The following CEP120 variants were observed in gnomAD, a reference collection of about 807,000 sequenced individuals.
CEP120 encodes centrosomal protein of 120 kDa.
CEP120 carries 113 observed loss-of-function variants against 126.5 expected under a neutral mutation model. That is an observed-to-expected ratio of 0.89 (90% CI 0.77 to 1.04). CEP120 has a LOEUF of 1.04. CEP120 is among the 50% of genes least tolerant of loss of function. The pLI is 0.00. For missense variants in CEP120, 1,230 were observed against 1,155.7 expected (o/e 1.06, Z -0.93); for synonymous variants, 400 against 394.3 (o/e 1.01, Z -0.17).
At chr5:123,358,697 C>G (rs1339048832) in intron 18 of CEP120, among the ~76,000 whole-genome samples, 1 of 151,614 alleles carries the variant, frequency 6.6e-6, no homozygotes, top group East Asian at 1.9e-4. Flanking sequence ...ATAATAATCA[C>G]ACACACACAC....
intron 5 of CEP120, among the ~76,000 whole-genome samples, chr5:123,396,451 A>T (rs1443030132): frequency 2.0e-5 from 3 of 151,946 alleles, no homozygotes; most frequent in African/African-American, 7.2e-5. Flanking sequence ...CTAAACTGAA[A>T]CAGTAATTTG....
chr5:123,366,044 T>C (rs563412449), intron 17 of CEP120, among the ~76,000 whole-genome samples: 1 of 151,690 alleles, frequency 6.6e-6, no homozygotes, highest in Non-Finnish European at 1.5e-5. Context: ...AACACATGTA[T>C]AGTTATAGAT....
chr5:123,366,538 A>C (rs1228099875), intron 17 of CEP120, among the ~76,000 whole-genome samples: 1 of 151,758 alleles, frequency 6.6e-6, no homozygotes, highest in Non-Finnish European at 1.5e-5. Flanking sequence ...GAAGTATGGC[A>C]TTGTCTTTGT....
Position 123,383,025 on chromosome 5 carries a change from T to C in CEP120, c.1821A>G (p.Leu607=), listed in dbSNP as rs781713910. The change falls in exon 12 of 20, where the codon CTA becomes CTG. Residue 607 remains leucine, a synonymous_variant. Transcript: ENST00000306467. ...AGATAAAAATCTCACGCATTTTTAC[T>C]AGTCCATAATCTTCTAGAGTCACTG... ...SYTVTLEDYG[L]VKMREIFISD... The C allele has an allele frequency of 2.0e-5, 32 of 1,589,620 alleles. No individual in the cohort carries two copies. Among genetic ancestry groups the C allele is most frequent in the Non-Finnish European group, 2.5e-5 (29 of 1,159,812 alleles).
intron 2 of CEP120, among the ~76,000 whole-genome samples, chr5:123,416,666 C>T (rs1285223145): frequency 1.3e-5 from 2 of 152,084 alleles, no homozygotes; most frequent in Non-Finnish European, 2.9e-5. Flanking sequence ...TTATACAAAA[C>T]ATGTCAACAT....
chr5:123,376,199 C>T (rs1260485591), intron 16 of CEP120, among the ~76,000 whole-genome samples: 1 of 151,888 alleles, frequency 6.6e-6, no homozygotes, highest in Non-Finnish European at 1.5e-5. Context: ...CCTATGAGAC[C>T]ATAAAATAAA....
At chr5:123,388,172 A>T in intron 9 of CEP120, 1 of 220,102 alleles carries the variant, frequency 4.5e-6, no homozygotes, top group Non-Finnish European at 8.8e-6. Flanking sequence ...CAAAATACAT[A>T]CATGTATTAT....
At chr5:123,382,960 A>T (rs747520673) in intron 12 of CEP120, 26 bp downstream of exon 12, 85 of 1,595,948 alleles carry the variant, frequency 5.3e-5, no homozygotes, top group Non-Finnish European at 7.0e-5. Flanking sequence ...TTTAAAAAAA[A>T]TTTGATAACA....
intron 4 of CEP120, among the ~76,000 whole-genome samples, chr5:123,409,647 TCAA>T (rs1313389048): frequency 2.0e-5 from 3 of 152,008 alleles, no homozygotes; most frequent in Non-Finnish European, 2.9e-5. Flanking sequence ...GTGGAAAGAA[TCAA>T]CAACAACAAA....
chr5:123,346,736 T>C lies in CEP120; in HGVS notation c.2744A>G (p.Gln915Arg). 1 of 1,608,558 alleles carries C rather than the reference T, an allele frequency of 6.2e-7. No homozygotes were observed. Residue 915 changes from glutamine to arginine, a missense_variant, in exon 20 of 20, where the codon CAA becomes CGA. Physicochemically the swap from Gln to Arg is conservative, Grantham distance 43. Transcript: ENST00000306467. ...CTCTGTGGAATCCTGGTATTGTTTT[T>C]GCTCTTGTTGCCTTAACCTGAGAAG... is the stretch of plus-strand genomic sequence containing the variant. Reference protein sequence around the residue: ...NELNRLRQQEQKQYQDSTEIA... With the variant: ...NELNRLRQQERKQYQDSTEIA...
At chr5:123,402,920 T>C (rs1205458652) in intron 4 of CEP120, among the ~76,000 whole-genome samples, 3 of 152,194 alleles carry the variant, frequency 2.0e-5, no homozygotes, top group South Asian at 4.1e-4. Flanking sequence ...AGAGAGTTCC[T>C]CTCTTGCTCT....
chr5:123,377,456 T>A lies in CEP120; in HGVS notation c.2276A>T (p.Lys759Ile), dbSNP rs778941262. Residue 759 changes from lysine to isoleucine, a missense_variant, in exon 16 of 20, where the codon AAA (lysine) becomes ATA (isoleucine). Transcript: ENST00000306467. ...TTCTACTTGGTGAATACAGTCCTCT[T>A]TGGCCCTACGGATAGAGTCCTGCAG... Reference protein sequence around the residue: ...QELQDSIRRAKEDCIHQVELE... With the variant: ...QELQDSIRRAIEDCIHQVELE... 1.2e-6 allele frequency: 2 copies of A among 1,611,804 alleles called. No individual in the cohort carries two copies. The highest frequency in any genetic ancestry group is 4.5e-5 in the East Asian group (2 of 44,832).
intron 1 of CEP120, among the ~76,000 whole-genome samples, chr5:123,418,920 G>A (rs1055778417): frequency 2.0e-5 from 3 of 152,158 alleles, no homozygotes; most frequent in Non-Finnish European, 4.4e-5. Flanking sequence ...TCTGTTAAGT[G>A]TGGTTGACAT....
At chr5:123,408,217 C>T (rs1773820091) in intron 4 of CEP120, among the ~76,000 whole-genome samples, 1 of 151,648 alleles carries the variant, frequency 6.6e-6, no homozygotes, top group Non-Finnish European at 1.5e-5. Context: ...CCTTAGGAAA[C>T]CAGAAAAGGA....
At chr5:123,378,131 T>C (rs1360657391) in intron 15 of CEP120, among the ~76,000 whole-genome samples, 4 of 126,702 alleles carry the variant, frequency 3.2e-5, no homozygotes, top group Admixed American at 1.6e-4. Flanking sequence ...ATAACACCAC[T>C]TTCCACCTCT....
Position 123,349,515 on chromosome 5 carries a change from T to C in CEP120, c.2726+429A>G, listed in dbSNP as rs376980403. Among the ~76,000 whole-genome samples, 136 of 152,232 alleles carry C rather than the reference T, an allele frequency of 8.9e-4. No homozygotes were observed. The Middle Eastern group carries it at 0.01, about 11-fold the overall frequency. On this transcript the variant is annotated intron_variant, in intron 19 of 19. Transcript: ENST00000306467. ...TTTAATAGTAGCAATAATCCTGATATCATCACACAAAAATAAATTTTAAAG... is the reference window on the plus strand; with the variant it reads ...TTTAATAGTAGCAATAATCCTGATACCATCACACAAAAATAAATTTTAAAG...
chr5:123,423,833 G>A (rs1038840783), upstream of CEP120, among the ~76,000 whole-genome samples: 1 of 152,042 alleles, frequency 6.6e-6, no homozygotes, highest in African/African-American at 2.4e-5. Context: ...TCCGACCTTT[G>A]AAAACAAGTA....
rs371666277 is a variant in CEP120 at position 123,350,065 on chromosome 5, G to A, written c.2605C>T (p.Arg869Cys). 49 of 1,611,888 alleles carry A rather than the reference G, an allele frequency of 3.0e-5. No individual in the cohort carries two copies. Among genetic ancestry groups the A allele is most frequent in the Non-Finnish European group, 3.7e-5 (44 of 1,179,304 alleles). The change falls in exon 19 of 20, where the codon CGT becomes TGT. Residue 869 changes from arginine (R) to cysteine (C), a missense_variant. By Grantham distance (180) the Arg-to-Cys change is radical. Transcript: ENST00000306467. ...KQREQESQMARLKKQQEELEQ... is the reference protein window; with the variant it reads ...KQREQESQMACLKKQQEELEQ... ...AATTCTTCCTGCTGTTTTTTAAGACGAGCCATTTGACTTTCTTGCTCCCTC... is the reference window on the plus strand; with the variant it reads ...AATTCTTCCTGCTGTTTTTTAAGACAAGCCATTTGACTTTCTTGCTCCCTC...
Position 123,364,531 on chromosome 5 carries a change from C to G in CEP120, c.2545G>C (p.Gly849Arg). The change falls in exon 18 of 20, where the codon GGA becomes CGA. Residue 849 changes from glycine to arginine, a missense_variant. Gly to Arg is a moderately radical substitution (Grantham distance 125, BLOSUM62 -2). Coordinates refer to ENST00000306467, the MANE Select transcript of CEP120 (RefSeq NM_001375405.1). ...KSKLHYKQQW[G>R]RALKELARLK... ...CTGGCAAGTTCTTTCAAAGCTCGTCCCCACTGCTGCTTGTAATGCAGTTTA... is the reference window on the plus strand; with the variant it reads ...CTGGCAAGTTCTTTCAAAGCTCGTCGCCACTGCTGCTTGTAATGCAGTTTA... 1 of 1,607,036 alleles carries G rather than the reference C, an allele frequency of 6.2e-7. No homozygotes were observed. The highest frequency in any genetic ancestry group is 8.5e-7 in the Non-Finnish European group (1 of 1,175,414).
Sources: gnomAD v4.1 joint callset for allele counts (sites outside exome capture counted in the v4.1 genomes callset) on GRCh38, gnomAD v4.1.1 for gene constraint, MANE v1.5 for transcripts, NCBI Gene and HGNC (gene_info 2026-07-23, HGNC 2026-07-21) for gene names.